The following ADAM9 variants were observed in gnomAD, a reference collection of about 807,000 sequenced individuals.
ADAM9 encodes ADAM metallopeptidase domain 9, also known as disintegrin and metalloproteinase domain-containing protein 9.
ADAM9 carries 54 observed loss-of-function variants against 108.1 expected under a neutral mutation model. The observed-to-expected ratio is 0.50, with a 90% CI of 0.40 to 0.63. The LOEUF is 0.63. Among genes scored for constraint, ADAM9 ranks in the 20% least tolerant of loss-of-function variants. ADAM9 has a pLI of 0.00. For synonymous variants in ADAM9, 316 were observed against 336.0 expected, an observed-to-expected ratio of 0.94 and a Z score of 0.65; for missense variants, 830 against 997.7, an observed-to-expected ratio of 0.83 and a Z score of 2.26.
At chr8:39,062,360 T>G (rs915520967) in intron 14 of ADAM9, among the ~76,000 whole-genome samples, 1 of 152,210 alleles carries the variant, frequency 6.6e-6, no homozygotes, top group Admixed American at 6.5e-5. Flanking sequence ...AGGAATTGAT[T>G]AAGAGGCTGT....
chr8:39,021,617 A>T, intron 7 of ADAM9, 26 bp from the exon 8 acceptor site: 1 of 1,599,544 alleles, frequency 6.3e-7, no homozygotes, highest in Non-Finnish European at 8.6e-7. Context: ...TTTGGTGATA[A>T]TGATTCTCCT....
intron 11 of ADAM9, among the ~76,000 whole-genome samples, chr8:39,037,088 G>A (rs1460630247): frequency 9.2e-4 from 92 of 100,324 alleles, no homozygotes; most frequent in Admixed American, 1.6e-3. Flanking sequence ...ACGGAGTCTC[G>A]CTCTGTCACC....
At chr8:39,059,440 T>A (rs1411690018) in intron 14 of ADAM9, among the ~76,000 whole-genome samples, 1 of 152,234 alleles carries the variant, frequency 6.6e-6, no homozygotes, top group Middle Eastern at 3.4e-3. Flanking sequence ...AGGTCAGTTG[T>A]TGAGAGGAAG....
At chr8:39,014,313 A>T (rs1836455670) in intron 4 of ADAM9, 3 of 551,704 alleles carry the variant, frequency 5.4e-6, no homozygotes, top group Non-Finnish European at 9.5e-6. Flanking sequence ...ACTGATGAGA[A>T]AATTTGATAT....
rs745665801 is a variant in ADAM9 at position 39,054,462 on chromosome 8, A to C, written c.1303-19A>C. On this transcript the variant is annotated intron_variant, in intron 12 of 21. Coordinates refer to ENST00000487273, the MANE Select transcript of ADAM9 (RefSeq NM_003816.3). ...GTCAATTACTAATTTCTTTATTGAC[A>C]GTCATTTTATGTTCACAGGAATGTG... 18 of 1,601,972 alleles carry C rather than the reference A, an allele frequency of 1.1e-5. No individual in the cohort carries two copies. The highest frequency in any genetic ancestry group is 2.2e-5 in the East Asian group (1 of 44,736).
chr8:39,084,472 A>G (rs1369573041), intron 18 of ADAM9, among the ~76,000 whole-genome samples: 1 of 150,292 alleles, frequency 6.7e-6, no homozygotes, highest in Non-Finnish European at 1.5e-5. Context: ...CTTACAGGTT[A>G]TTTAGATATG....
Position 39,045,410 on chromosome 8 carries a change from G to GTGTA in ADAM9, c.1302+3293_1302+3294insTGTA, listed in dbSNP as rs1564301556. ...GGTGTGTGTACACACACCTATATGTGCGCGTGTGTACACACACCTATATGT... is the reference window on the plus strand; with the variant it reads ...GGTGTGTGTACACACACCTATATGTGTGTACGCGTGTGTACACACACCTATATGT... On this transcript the variant is annotated intron_variant, in intron 12 of 21. Coordinates refer to ENST00000487273, the MANE Select transcript of ADAM9 (RefSeq NM_003816.3). 1.8e-4 allele frequency among the ~76,000 whole-genome samples: 4 copies of GTGTA among 21,850 alleles called. 1 individual carries two copies. The highest frequency in any genetic ancestry group is 8.1e-4 in the African/African-American group (4 of 4,912). The allele number at this position is 21,850 out of a possible 152,430, so 14.3% of individuals were successfully genotyped here. A position where few individuals can be genotyped will look rare whatever the true frequency, so the allele number is the denominator to read the frequency against.
At position 39,016,209 on chromosome 8, in the gene ADAM9, T is replaced by G; in HGVS notation, c.410+15T>G. 1.9e-6 allele frequency: 3 copies of G among 1,606,260 alleles called. No individual in the cohort carries two copies. The highest frequency in any genetic ancestry group is 8.5e-7 in the Non-Finnish European group (1 of 1,173,016). ...TTTGGACTCAGGTAAGCAATTTCCT[T>G]TATCTTCTTTTTTTTTGTTTCCCCT... is the stretch of plus-strand genomic sequence containing the variant. On this transcript the variant is annotated intron_variant, in intron 5 of 21. Transcript: ENST00000487273.
intron 2 of ADAM9, 56 bp downstream of exon 2, chr8:39,008,039 A>T: frequency 7.6e-7 from 1 of 1,312,280 alleles, no homozygotes; most frequent in Non-Finnish European, 1.1e-6. Context: ...TTTCTGTTTT[A>T]GCACAAAGGT....
At chr8:39,083,181 T>C in intron 18 of ADAM9, 108 bp downstream of exon 18, 1 of 816,886 alleles carries the variant, frequency 1.2e-6, no homozygotes, top group East Asian at 2.7e-5. Flanking sequence ...CATTTAATTA[T>C]GTTGATTCAG....
At chr8:39,038,416 A>G (rs1479853509) in intron 11 of ADAM9, among the ~76,000 whole-genome samples, 2 of 152,148 alleles carry the variant, frequency 1.3e-5, no homozygotes, top group Non-Finnish European at 2.9e-5. Context: ...TCCCAGATAC[A>G]CAGTTTTGAT....
chr8:39,091,160 C>A, intron 19 of ADAM9, 99 bp from the exon 20 acceptor site: 1 of 1,128,138 alleles, frequency 8.9e-7, no homozygotes, highest in Non-Finnish European at 1.3e-6. Context: ...CCACTACCAA[C>A]ATCATTATTC....
chr8:39,103,562 C>T (rs746182567), intron 21 of ADAM9, 45 bp from the exon 22 acceptor site: 5 of 1,555,324 alleles, frequency 3.2e-6, no homozygotes, highest in Admixed American at 1.7e-5. Context: ...GGCATTATTT[C>T]ACCCAGTCTA....
intron 7 of ADAM9, 80 bp downstream of exon 7, chr8:39,018,998 C>A (rs573348452): frequency 2.3e-6 from 3 of 1,304,358 alleles, no homozygotes; most frequent in Non-Finnish European, 3.3e-6. Context: ...ATCTAAACTA[C>A]ACATTGTTTG....
Position 39,011,651 on chromosome 8 carries a change from C to T in ADAM9, c.196-7C>T. The T allele has an allele frequency of 6.2e-7, 1 of 1,606,624 alleles. No individual in the cohort carries two copies. Among genetic ancestry groups the T allele is most frequent in the South Asian group, 1.1e-5 (1 of 90,884 alleles). On this transcript the variant is annotated splice_region_variant and splice_polypyrimidine_tract_variant and intron_variant, in intron 2 of 21. Coordinates refer to ENST00000487273, the MANE Select transcript of ADAM9 (RefSeq NM_003816.3). ...TGTTTTATTCTTTTCCCCTTCTGTG[C>T]ATTTAGGTATCTTATGTTATTCAGG...
At chr8:39,018,553 C>T (rs1836624255) in intron 6 of ADAM9, 1 of 350,412 alleles carries the variant, frequency 2.9e-6, no homozygotes, top group Admixed American at 4.3e-5. Flanking sequence ...CCCATTTTAT[C>T]TGTAACTAAC....
intron 12 of ADAM9, among the ~76,000 whole-genome samples, chr8:39,051,529 T>C: frequency 6.6e-6 from 1 of 152,352 alleles, no homozygotes; most frequent in African/African-American, 2.4e-5. Context: ...TATGTAACTA[T>C]CTTAGAGAAA....
chr8:39,083,524 C>A (rs890593774), intron 18 of ADAM9, among the ~76,000 whole-genome samples: 1 of 152,170 alleles, frequency 6.6e-6, no homozygotes, highest in African/African-American at 2.4e-5. Flanking sequence ...ATTGTAACTT[C>A]TTTGATTTCC....
intron 14 of ADAM9, among the ~76,000 whole-genome samples, chr8:39,064,379 T>C (rs946295233): frequency 5.9e-5 from 9 of 152,224 alleles, no homozygotes; most frequent in Non-Finnish European, 1.0e-4. Context: ...TCTGAATTAG[T>C]TAGACTGCAG....
Sources: gnomAD v4.1 joint callset for allele counts (sites outside exome capture counted in the v4.1 genomes callset) on GRCh38, gnomAD v4.1.1 for gene constraint, MANE v1.5 for transcripts, NCBI Gene and HGNC (gene_info 2026-07-23, HGNC 2026-07-21) for gene names.